ZFPM2: variants seen among roughly 807,000 people sequenced by gnomAD.
The protein encoded by ZFPM2 is zinc finger protein, FOG family member 2, also known as zinc finger protein ZFPM2.
Under a neutral mutation model 98.6 loss-of-function variants are expected in ZFPM2, and 20 were observed. The ratio of observed to expected loss-of-function variants is 0.20; its 90% CI spans 0.14 to 0.29. The LOEUF (loss-of-function observed/expected upper bound fraction) is 0.29. Among genes scored for constraint, ZFPM2 ranks in the 10% least tolerant of loss-of-function variants. The pLI is 1.00. For synonymous variants in ZFPM2, 518 were observed against 502.7 expected, an observed-to-expected ratio of 1.03 and a Z score of -0.41; for missense variants, 1,310 against 1,388.6, an observed-to-expected ratio of 0.94 and a Z score of 0.90.
intron 1 of ZFPM2, among the ~76,000 whole-genome samples, chr8:105,382,600 T>G (rs1810910125): frequency 6.6e-6 from 1 of 152,048 alleles, no homozygotes; most frequent in Non-Finnish European, 1.5e-5. Flanking sequence ...AAATGTGAAA[T>G]GGAAATGAAG....
At position 105,514,493 on chromosome 8, in the gene ZFPM2, C is replaced by T. The variant is rs76908103; in HGVS notation, c.302-46870C>T. 1.5e-4 allele frequency among the ~76,000 whole-genome samples: 23 copies of T among 152,150 alleles called. No homozygotes were observed. The East Asian group carries it at 3.9e-3, about 26-fold the overall frequency. ...CTGTACAGATGTCTAGAGTATATTGCGACTGAATGGACAGTGTGGATTCTT... is the reference window on the plus strand; with the variant it reads ...CTGTACAGATGTCTAGAGTATATTGTGACTGAATGGACAGTGTGGATTCTT... On this transcript the variant is annotated intron_variant, in intron 3 of 7. Coordinates refer to ENST00000407775, the MANE Select transcript of ZFPM2 (RefSeq NM_012082.4).
At chr8:105,626,404 A>C (rs1347327924) in intron 4 of ZFPM2, among the ~76,000 whole-genome samples, 1 of 152,214 alleles carries the variant, frequency 6.6e-6, no homozygotes, top group Non-Finnish European at 1.5e-5. Context: ...CCTGACTGTC[A>C]GATTGAATTT....
chr8:105,583,136 A>G (rs1815638724), intron 4 of ZFPM2, among the ~76,000 whole-genome samples: 1 of 152,118 alleles, frequency 6.6e-6, no homozygotes, highest in African/African-American at 2.4e-5. Flanking sequence ...TTTATTCCTT[A>G]CTGGGTAATA....
intron 3 of ZFPM2, among the ~76,000 whole-genome samples, chr8:105,483,560 A>T (rs1405340749): frequency 1.3e-5 from 2 of 151,320 alleles, no homozygotes; most frequent in African/African-American, 4.9e-5. Flanking sequence ...ACTGCCCTCC[A>T]GCCTGGGTGA....
chr8:105,553,890 G>C (rs1357928088), intron 3 of ZFPM2, among the ~76,000 whole-genome samples: 1 of 152,006 alleles, frequency 6.6e-6, no homozygotes, highest in Non-Finnish European at 1.5e-5. Context: ...TCATGCGCCG[G>C]ATAAGGTCAC....
At chr8:105,790,927 T>C (rs1813589880) in intron 6 of ZFPM2, among the ~76,000 whole-genome samples, 1 of 152,244 alleles carries the variant, frequency 6.6e-6, no homozygotes, top group Non-Finnish European at 1.5e-5. Context: ...TTGTGATTTT[T>C]GTACATTGAT....
chr8:105,733,644 C>G (rs2028552), intron 5 of ZFPM2, among the ~76,000 whole-genome samples: 1 of 151,530 alleles, frequency 6.6e-6, no homozygotes, highest in Admixed American at 6.6e-5. Flanking sequence ...AGTAAATGAA[C>G]GATAAAGGTG....
chr8:105,676,731 A>G (rs1810477647), intron 5 of ZFPM2, among the ~76,000 whole-genome samples: 1 of 152,052 alleles, frequency 6.6e-6, no homozygotes, highest in Admixed American at 6.6e-5. Context: ...GAATAAATTT[A>G]ATAAATTAAA....
intron 7 of ZFPM2, 75 bp downstream of exon 7, chr8:105,799,023 A>G (rs1415909166): frequency 6.9e-6 from 9 of 1,300,798 alleles, no homozygotes; most frequent in African/African-American, 1.5e-5. Flanking sequence ...CATTACATGT[A>G]TACGTCTATA....
intron 3 of ZFPM2, among the ~76,000 whole-genome samples, chr8:105,493,554 G>A (rs570632532): frequency 5.9e-5 from 9 of 152,236 alleles, no homozygotes; most frequent in East Asian, 3.9e-4. Flanking sequence ...GACATCATCC[G>A]GTTGTGACAA....
At chr8:105,348,062 C>G (rs1812572405) in intron 1 of ZFPM2, among the ~76,000 whole-genome samples, 1 of 152,022 alleles carries the variant, frequency 6.6e-6, no homozygotes, top group African/African-American at 2.4e-5. Flanking sequence ...AATGTTGGGA[C>G]AAAATCGACT....
chr8:105,643,909 C>T (rs1040621117), intron 5 of ZFPM2, among the ~76,000 whole-genome samples: 3 of 152,204 alleles, frequency 2.0e-5, no homozygotes, highest in Non-Finnish European at 4.4e-5. Context: ...GACCCATGAC[C>T]TGTTTTTGTA....
chr8:105,359,870 C>A (rs1233441782), intron 1 of ZFPM2, among the ~76,000 whole-genome samples: 2 of 152,300 alleles, frequency 1.3e-5, no homozygotes, highest in African/African-American at 4.8e-5. Flanking sequence ...TCTGAATGAA[C>A]TGATTCAGCT....
chr8:105,485,309 T>G lies in ZFPM2; in HGVS notation c.301+40928T>G, dbSNP rs183454683. On this transcript the variant is annotated intron_variant, in intron 3 of 7. Transcript: ENST00000407775. Reference sequence around the variant, plus strand: ...TGCTTGTTTTTTTTTGTTTGTTTGTTTGTTTGTTTTTGATTGAGTGAGAAT... The same window carrying G: ...TGCTTGTTTTTTTTTGTTTGTTTGTGTGTTTGTTTTTGATTGAGTGAGAAT... 4.6e-3 allele frequency among the ~76,000 whole-genome samples: 696 copies of G among 151,536 alleles called. 6 individuals carry two copies. Among genetic ancestry groups the G allele is most frequent in the Non-Finnish European group, 3.5e-3 (240 of 67,990 alleles).
chr8:105,513,701 CT>C (rs1301620603), intron 3 of ZFPM2, among the ~76,000 whole-genome samples: 2 of 152,112 alleles, frequency 1.3e-5, no homozygotes, highest in Non-Finnish European at 2.9e-5. Flanking sequence ...ATGAAATTGT[CT>C]TTTTGAAAAG....
intron 3 of ZFPM2, among the ~76,000 whole-genome samples, chr8:105,510,760 G>C (rs541700810): frequency 6.6e-6 from 1 of 152,274 alleles, no homozygotes; most frequent in Admixed American, 6.5e-5. Context: ...TGTTGGTTAG[G>C]AGATACTGGA....
At chr8:105,416,675 T>A (rs1811685572) in intron 1 of ZFPM2, among the ~76,000 whole-genome samples, 1 of 151,894 alleles carries the variant, frequency 6.6e-6, no homozygotes, top group African/African-American at 2.4e-5. Flanking sequence ...AAAGCTACTT[T>A]ACATGTTGAT....
intron 5 of ZFPM2, among the ~76,000 whole-genome samples, chr8:105,700,343 T>A (rs779518361): frequency 1.3e-5 from 2 of 152,214 alleles, no homozygotes; most frequent in Non-Finnish European, 2.9e-5. Flanking sequence ...TTAGCAGACA[T>A]TTTCTAGGTT....
chr8:105,585,714 T>C (rs1444704397), intron 4 of ZFPM2, among the ~76,000 whole-genome samples: 2 of 152,100 alleles, frequency 1.3e-5, no homozygotes, highest in African/African-American at 4.8e-5. Flanking sequence ...GGAAATATAG[T>C]ATAGTAATAT....
Sources: gnomAD v4.1 joint callset for allele counts (sites outside exome capture counted in the v4.1 genomes callset) on GRCh38, gnomAD v4.1.1 for gene constraint, MANE v1.5 for transcripts, NCBI Gene and HGNC (gene_info 2026-07-23, HGNC 2026-07-21) for gene names.